EHMT1: variants seen among roughly 807,000 people sequenced by gnomAD.
EHMT1 encodes the protein histone-lysine N-methyltransferase EHMT1.
Under a neutral mutation model 147.2 loss-of-function variants are expected in EHMT1, and 15 were observed. That is an observed-to-expected ratio of 0.10 (90% confidence interval 0.07 to 0.16). The LOEUF (loss-of-function observed/expected upper bound fraction) is 0.16, where lower values mean the gene tolerates loss of function less well. EHMT1 is among the 10% of genes least tolerant of loss of function. The pLI is 1.00. For missense variants in EHMT1, 1,587 were observed against 1,772.4 expected (o/e 0.90, Z 1.88); for synonymous variants, 795 against 709.6 (o/e 1.12, Z -1.91).
intron 1 of EHMT1, among the ~76,000 whole-genome samples, chr9:137,700,833 T>C (rs751792097): frequency 1.3e-5 from 2 of 152,114 alleles, no homozygotes; most frequent in Non-Finnish European, 2.9e-5. Context: ...AAATGCCAGG[T>C]TTCTGGGTGT....
intron 23 of EHMT1, chr9:137,816,267 C>A: frequency 1.6e-6 from 1 of 623,968 alleles, no homozygotes; most frequent in Non-Finnish European, 2.9e-6. Flanking sequence ...TCCCCCAGCA[C>A]AGACTTCGGC....
At position 137,753,787 on chromosome 9, in the gene EHMT1, TC is replaced by T. The variant is rs563266664; in HGVS notation, c.1249-383del. On this transcript the variant is annotated intron_variant, in intron 7 of 26. Transcript: ENST00000460843. ...GTGTAGATCATTCATGTGGGTAGGTTCTGAAGCAAGCCGAGCGTTGATTGTC... is the reference window on the plus strand; with the variant it reads ...GTGTAGATCATTCATGTGGGTAGGTTTGAAGCAAGCCGAGCGTTGATTGTC... Among the ~76,000 whole-genome samples, 27 of 125,252 alleles carry T rather than the reference TC, an allele frequency of 2.2e-4. 1 individual carries two copies. Among genetic ancestry groups the T allele is most frequent in the Middle Eastern group, 0.01 (2 of 192 alleles). 82.2% of individuals were successfully genotyped at this position (125,252 alleles called of 152,430 possible). A position where few individuals can be genotyped will look rare whatever the true frequency, so the allele number is the denominator to read the frequency against.
chr9:137,718,587 C>T (rs1375577373), intron 3 of EHMT1, among the ~76,000 whole-genome samples: 7 of 152,076 alleles, frequency 4.6e-5, no homozygotes, highest in Non-Finnish European at 7.4e-5. Flanking sequence ...CTTAAATGGC[C>T]GGCTCTTCTG....
At chr9:137,788,242 C>A in intron 15 of EHMT1, 2 of 468,904 alleles carry the variant, frequency 4.3e-6, no homozygotes, top group South Asian at 5.0e-5. Flanking sequence ...CTGGAGTCCC[C>A]TAGCAGGGAC....
At chr9:137,800,212 A>T (rs3934533) in intron 17 of EHMT1, among the ~76,000 whole-genome samples, 3 of 152,052 alleles carry the variant, frequency 2.0e-5, no homozygotes, top group Admixed American at 6.5e-5. Context: ...CCTCATTTTC[A>T]GAAAAGTTGC....
At chr9:137,664,263 A>AATGAG (rs1939388859) in intron 1 of EHMT1, among the ~76,000 whole-genome samples, 1 of 151,856 alleles carries the variant, frequency 6.6e-6, no homozygotes, top group East Asian at 1.9e-4. Flanking sequence ...GATTTTATTA[A>AATGAG]ATGAGAATTG....
At chr9:137,819,600 CTGTAGAGAGG>C (rs1196299242) in intron 25 of EHMT1, among the ~76,000 whole-genome samples, 2 of 124,948 alleles carry the variant, frequency 1.6e-5, no homozygotes, top group African/African-American at 3.6e-5. Flanking sequence ...TGTACCGAGA[CTGTAGAGAGG>C]CCGATTGAGG....
chr9:137,728,623 G>C (rs1946833228), intron 4 of EHMT1, 94 bp downstream of exon 4: 2 of 1,547,212 alleles, frequency 1.3e-6, no homozygotes, highest in Admixed American at 3.4e-5. Flanking sequence ...GTAAGTGCCT[G>C]TGCTGCTCTT....
chr9:137,620,646 G>A (rs1842898523), intron 1 of EHMT1, among the ~76,000 whole-genome samples: 1 of 152,098 alleles, frequency 6.6e-6, no homozygotes, highest in Non-Finnish European at 1.5e-5. Flanking sequence ...GCCTGCCTCC[G>A]CCTCCCTAAG....
At chr9:137,781,885 G>C (rs1951584023) in intron 14 of EHMT1, among the ~76,000 whole-genome samples, 1 of 152,200 alleles carries the variant, frequency 6.6e-6, no homozygotes, top group African/African-American at 2.4e-5. Flanking sequence ...CGTCCTCTCA[G>C]ACCTCCTGGG....
intron 6 of EHMT1, among the ~76,000 whole-genome samples, chr9:137,751,295 G>T (rs1948947783): frequency 1.3e-5 from 2 of 152,206 alleles, no homozygotes; most frequent in Non-Finnish European, 2.9e-5. Context: ...AAAGTTTTAT[G>T]TGATAAGAGA....
intron 4 of EHMT1, among the ~76,000 whole-genome samples, chr9:137,742,004 A>G (rs957582090): frequency 3.3e-5 from 5 of 152,210 alleles, no homozygotes; most frequent in African/African-American, 1.2e-4. Context: ...CTGTTGCTTG[A>G]GCACAGCCAT....
intron 25 of EHMT1, 120 bp from the exon 26 acceptor site, chr9:137,834,229 C>T: frequency 2.2e-6 from 3 of 1,338,524 alleles, no homozygotes; most frequent in Non-Finnish European, 3.1e-6. Context: ...AAGGCCCCTC[C>T]TGCATGGCGG....
rs2136685184 is a variant in EHMT1, at chr9:137,776,737, C to G, written c.1911C>G (p.Ala637=). 2 of 1,614,044 alleles carry G rather than the reference C, an allele frequency of 1.2e-6. No individual in the cohort carries two copies. The highest frequency in any genetic ancestry group is 3.3e-5 in the Admixed American group (2 of 60,014). The change falls in exon 12 of 27, where the codon GCC becomes GCG. Residue 637 remains alanine, a synonymous_variant. Transcript: ENST00000460843. This position sits in a 1 kb window ranked among gnomAD's most constrained non-coding sequence, Gnocchi z 4.4. ...ACTGTGGGGAGGAGAGCTCCAAGGC[C>G]AAAGAGGTGACGATAGCTAAAGCAG... is the stretch of plus-strand genomic sequence containing the variant. ...CPHCGEESSK[A]KEVTIAKADT... is the part of the protein sequence containing the mutation.
chr9:137,748,461 G>A (rs772796216), intron 6 of EHMT1, among the ~76,000 whole-genome samples: 1 of 152,118 alleles, frequency 6.6e-6, no homozygotes, highest in Non-Finnish European at 1.5e-5. Context: ...GGAGGTTGCT[G>A]CCAGCACCCT....
intron 10 of EHMT1, among the ~76,000 whole-genome samples, chr9:137,767,969 C>G (rs907691695): frequency 3.9e-5 from 6 of 152,118 alleles, no homozygotes; most frequent in African/African-American, 1.4e-4. Flanking sequence ...TTTTTGTGAT[C>G]AGATATGTTT....
Position 137,775,597 on chromosome 9 carries a change from G to A in EHMT1, c.1791+345G>A, listed in dbSNP as rs1325409720. 6.6e-6 allele frequency among the ~76,000 whole-genome samples: 1 copy of A among 151,892 alleles called. No homozygotes were observed. The highest frequency in any genetic ancestry group is 1.5e-5 in the Non-Finnish European group (1 of 67,918). On this transcript the variant is annotated intron_variant, in intron 11 of 26. Coordinates refer to ENST00000460843, the MANE Select transcript of EHMT1 (RefSeq NM_024757.5). This position sits in a 1 kb window ranked among gnomAD's most constrained non-coding sequence, Gnocchi z 6.1. ...TGGGGCTCGAGAGCAGTGGTGAGGG[G>A]CTTGTGACGCACTGGAGACTCCAGG...
chr9:137,829,292 T>C (rs1232989565), intron 25 of EHMT1, among the ~76,000 whole-genome samples: 1 of 152,268 alleles, frequency 6.6e-6, no homozygotes, highest in Non-Finnish European at 1.5e-5. Context: ...GATTCCTTTT[T>C]CTTGCCTTTG....
Position 137,675,664 on chromosome 9 carries a change from C to T in EHMT1, c.22-35303C>T, listed in dbSNP as rs1358563091. ...TTTTTTTTTTTTTGAGACAGAGTCT[C>T]GCTCTGTCACCAGGCTGGCTCACTG... On this transcript the variant is annotated intron_variant, in intron 1 of 26. Transcript: ENST00000460843. 8.8e-5 allele frequency among the ~76,000 whole-genome samples: 12 copies of T among 137,090 alleles called. 1 individual carries two copies. The South Asian group carries it at 2.1e-3, about 24-fold the overall frequency. The allele number at this position is 137,090 out of a possible 152,430, so 89.9% of individuals were successfully genotyped here.
Sources: allele counts gnomAD v4.1 joint callset (sites outside exome capture counted in the v4.1 genomes callset), GRCh38; gene constraint gnomAD v4.1.1; non-coding constraint Gnocchi (gnomAD v3.1); transcripts MANE v1.5; gene names NCBI Gene and HGNC (gene_info 2026-07-23, HGNC 2026-07-21).